The following PATJ variants were observed in gnomAD, a reference collection of about 807,000 sequenced individuals.
PATJ encodes inaD-like protein.
A neutral mutation model predicts 224.9 loss-of-function variants in PATJ; 190 were observed. The ratio of observed to expected loss-of-function variants is 0.84; its 90% CI spans 0.75 to 0.95. PATJ has a LOEUF of 0.95. PATJ is among the 40% of genes least tolerant of loss of function. PATJ has a pLI of 0.00. For synonymous variants in PATJ, 769 were observed against 820.3 expected, an observed-to-expected ratio of 0.94 and a Z score of 1.07; for missense variants, 2,121 against 2,270.3, an observed-to-expected ratio of 0.93 and a Z score of 1.34.
chr1:61,788,603 T>A (rs1649096078), intron 8 of PATJ, among the ~76,000 whole-genome samples: 1 of 152,210 alleles, frequency 6.6e-6, no homozygotes, highest in Non-Finnish European at 1.5e-5. Context: ...TATCTCAACA[T>A]GGGCTTTTAA....
chr1:62,106,540 T>C (rs908184333), intron 33 of PATJ, among the ~76,000 whole-genome samples: 1 of 151,892 alleles, frequency 6.6e-6, no homozygotes, highest in Non-Finnish European at 1.5e-5. Context: ...GGTAGGTGTG[T>C]GTATTTTGTC....
rs548891002 is a variant in PATJ at position 62,065,340 on chromosome 1, G to A, written c.4126-14110G>A. Among the ~76,000 whole-genome samples the A allele has an allele frequency of 5.9e-5, 9 of 152,300 alleles. No homozygotes were observed. In the South Asian group the frequency reaches 1.7e-3, roughly 28 times the overall value. The stretch of plus-strand genomic sequence containing the variant: ...AATTCATAGCTTTAGGCTGGGTGCC[G>A]TGGCTCATGTCTGTAATCCCAGCAC... On this transcript the variant is annotated intron_variant, in intron 31 of 43. Transcript: ENST00000642238.
At chr1:61,915,877 A>G (rs995996650) in intron 26 of PATJ, among the ~76,000 whole-genome samples, 1 of 151,836 alleles carries the variant, frequency 6.6e-6, no homozygotes, top group African/African-American at 2.4e-5. Context: ...CTGTATTTTT[A>G]GTAGAGACAA....
intron 26 of PATJ, among the ~76,000 whole-genome samples, chr1:61,918,940 A>G (rs1301383748): frequency 3.3e-5 from 5 of 152,164 alleles, no homozygotes. Flanking sequence ...CCTAGGGGAC[A>G]GGGCAAAACC....
In PATJ at chr1:62,118,606, A is replaced by C. The variant is rs142682150; in HGVS notation, c.4890+1388A>C. On this transcript the variant is annotated intron_variant, in intron 37 of 43. Coordinates refer to ENST00000642238, the MANE Select transcript of PATJ (RefSeq NM_001350145.3). ...AATGGATTTCTGTCCCTCTTGAGAG[A>C]TGTATGTGAGCATCTTCTTATTTAT... Among the ~76,000 whole-genome samples, 264 of 152,002 alleles carry C rather than the reference A, an allele frequency of 1.7e-3. 1 individual carries two copies. Among genetic ancestry groups the C allele is most frequent in the African/African-American group, 5.9e-3 (245 of 41,370 alleles).
intron 29 of PATJ, among the ~76,000 whole-genome samples, chr1:62,022,838 C>T (rs955239136): frequency 6.6e-6 from 1 of 152,136 alleles, no homozygotes; most frequent in African/African-American, 2.4e-5. Context: ...CTTCCTGTAT[C>T]GATTGAACAT....
At chr1:61,779,072 A>G (rs949955701) in intron 7 of PATJ, among the ~76,000 whole-genome samples, 5 of 152,120 alleles carry the variant, frequency 3.3e-5, no homozygotes, top group African/African-American at 1.2e-4. Context: ...ATAAAAATTA[A>G]CATACTAAAT....
At chr1:62,107,493 G>C (rs944283079) in intron 33 of PATJ, among the ~76,000 whole-genome samples, 1 of 152,130 alleles carries the variant, frequency 6.6e-6, no homozygotes, top group African/African-American at 2.4e-5. Flanking sequence ...TGCTCAACAG[G>C]AGGGGGATGA....
chr1:61,835,390 T>C (rs139646533), intron 17 of PATJ, among the ~76,000 whole-genome samples: 67 of 151,976 alleles, frequency 4.4e-4, no homozygotes, highest in African/African-American at 1.4e-3. Flanking sequence ...GGCCTGACCT[T>C]TTTGTTTGTT....
chr1:62,101,347 T>C (rs1460349821), intron 33 of PATJ, among the ~76,000 whole-genome samples: 1 of 142,712 alleles, frequency 7.0e-6, no homozygotes, highest in Non-Finnish European at 1.5e-5. Context: ...CACTGCAAAC[T>C]CTGCCTCCCA....
chr1:62,050,023 C>T (rs1401809760), intron 30 of PATJ, among the ~76,000 whole-genome samples: 1 of 147,196 alleles, frequency 6.8e-6, no homozygotes, highest in Non-Finnish European at 1.5e-5. Context: ...GGCTGAGGCA[C>T]AAGAATCACT....
chr1:61,892,161 C>T (rs1159739779), intron 22 of PATJ, among the ~76,000 whole-genome samples: 3 of 152,162 alleles, frequency 2.0e-5, no homozygotes, highest in African/African-American at 7.2e-5. Context: ...AGTGCCCATT[C>T]TTTTTGGTTC....
At chr1:61,796,314 T>C (rs929437682) in intron 10 of PATJ, among the ~76,000 whole-genome samples, 1 of 152,252 alleles carries the variant, frequency 6.6e-6, no homozygotes, top group Non-Finnish European at 1.5e-5. Flanking sequence ...TTAAGAATAC[T>C]GTTCTTGCTC....
chr1:62,131,361 A>G (rs1186546061), intron 41 of PATJ, among the ~76,000 whole-genome samples: 1 of 152,196 alleles, frequency 6.6e-6, no homozygotes, highest in Non-Finnish European at 1.5e-5. Context: ...CAAAGACCTT[A>G]GGAGGATCCT....
At chr1:62,038,799 A>T in intron 30 of PATJ, 1 of 598,380 alleles carries the variant, frequency 1.7e-6, no homozygotes, top group Admixed American at 2.3e-5. Flanking sequence ...TTATTCTTTC[A>T]ACACGTGTTC....
chr1:62,114,272 A>G, intron 35 of PATJ, 26 bp downstream of exon 35: 1 of 1,606,570 alleles, frequency 6.2e-7, no homozygotes, highest in Non-Finnish European at 8.5e-7. Flanking sequence ...GGGAGTTGGG[A>G]TCTGCCTTTT....
chr1:61,750,688 G>A (rs1645274920), intron 1 of PATJ, among the ~76,000 whole-genome samples: 1 of 151,986 alleles, frequency 6.6e-6, no homozygotes. Context: ...TGTTCTGCCT[G>A]CCTCGGCCTC....
chr1:61,757,655 G>A (rs1645726523), intron 1 of PATJ, among the ~76,000 whole-genome samples: 1 of 152,106 alleles, frequency 6.6e-6, no homozygotes, highest in Non-Finnish European at 1.5e-5. Flanking sequence ...TAAAGTGCTA[G>A]GTTTAGAGGC....
intron 31 of PATJ, among the ~76,000 whole-genome samples, chr1:62,066,271 G>A (rs1413051344): frequency 6.6e-6 from 1 of 152,104 alleles, no homozygotes; most frequent in African/African-American, 2.4e-5. Flanking sequence ...TTATAGATAA[G>A]GAAACTGAGA....
Sources: allele counts gnomAD v4.1 joint callset (sites outside exome capture counted in the v4.1 genomes callset), GRCh38; gene constraint gnomAD v4.1.1; transcripts MANE v1.5; gene names NCBI Gene and HGNC (gene_info 2026-07-23, HGNC 2026-07-21).